Variants in SPMIP2 observed in about 807,000 individuals in gnomAD.
The protein encoded by SPMIP2 is protein SPMIP2.
chr4:159,080,953 A>G, the SPMIP2 span, among the ~76,000 whole-genome samples: 2 of 151,726 alleles, frequency 1.3e-5, no homozygotes, highest in Non-Finnish European at 2.9e-5. Context: ...TCGATCTCCT[A>G]ACCTTGTGAT....
At chr4:158,958,802 G>C in the SPMIP2 span, among the ~76,000 whole-genome samples, 1 of 152,176 alleles carries the variant, frequency 6.6e-6, no homozygotes, top group Admixed American at 6.5e-5. Context: ...ACAAAGGAAA[G>C]AGTATTCAGG....
the SPMIP2 span, among the ~76,000 whole-genome samples, chr4:158,964,622 T>A: frequency 6.6e-6 from 1 of 152,116 alleles, no homozygotes; most frequent in Non-Finnish European, 1.5e-5. Context: ...ATTCTTTGAC[T>A]GGCTATTTTA....
At chr4:158,962,747 T>C in the SPMIP2 span, among the ~76,000 whole-genome samples, 3 of 152,166 alleles carry the variant, frequency 2.0e-5, no homozygotes, top group African/African-American at 7.2e-5. Context: ...GGCCTTTGCA[T>C]GAATGGAGCA....
At chr4:159,024,452 C>T in the SPMIP2 span, among the ~76,000 whole-genome samples, 1 of 152,294 alleles carries the variant, frequency 6.6e-6, no homozygotes, top group Admixed American at 6.5e-5. Flanking sequence ...TAGGATCATA[C>T]ACAGCAGGGG....
At chr4:158,987,643 T>TGGGGAGGGATAGC in the SPMIP2 span, among the ~76,000 whole-genome samples, 1 of 149,810 alleles carries the variant, frequency 6.7e-6, no homozygotes, top group South Asian at 2.2e-4. Context: ...GTAGGGGGAG[T>TGGGGAGGGATAGC]GGGGAGGGAT....
the SPMIP2 span, among the ~76,000 whole-genome samples, chr4:158,964,150 C>CACAAAACAAAACAAAACAAAACAAA: frequency 5.7e-4 from 45 of 79,438 alleles, no homozygotes; most frequent in African/African-American, 1.4e-3. Context: ...GTGAGACTAT[C>CACAAAACAAAACAAAACAAAACAAA]TCAAAACAAA....
chr4:159,072,102 C>G, the SPMIP2 span, among the ~76,000 whole-genome samples: 1 of 152,170 alleles, frequency 6.6e-6, no homozygotes, highest in South Asian at 2.1e-4. Flanking sequence ...CACTTGGGCC[C>G]AAGGAGTTTG....
At chr4:159,064,767 C>T in the SPMIP2 span, among the ~76,000 whole-genome samples, 2 of 152,036 alleles carry the variant, frequency 1.3e-5, no homozygotes, top group African/African-American at 4.8e-5. Context: ...GTTTTTAAAT[C>T]GTTTTCATTA....
At chr4:158,911,347 CAAATAAATAAATAAAT>C in the SPMIP2 span, among the ~76,000 whole-genome samples, 8 of 141,292 alleles carry the variant, frequency 5.7e-5, no homozygotes, top group East Asian at 2.0e-4. Context: ...GACTCCGTCT[CAAATAAATAAATAAAT>C]AAATAAATAA....
chr4:158,896,851 T>A, the SPMIP2 span, among the ~76,000 whole-genome samples: 1,555 of 139,080 alleles, frequency 0.011, 23 homozygotes, highest in African/African-American at 0.037. Flanking sequence ...GTTTTTTTTT[T>A]ATTATTATTA....
At chr4:158,903,863 C>T in the SPMIP2 span, among the ~76,000 whole-genome samples, 2 of 152,132 alleles carry the variant, frequency 1.3e-5, no homozygotes, top group Non-Finnish European at 2.9e-5. Flanking sequence ...ACTGTATCCA[C>T]CTCTGCTGTA....
the SPMIP2 span, among the ~76,000 whole-genome samples, chr4:158,979,144 C>A: frequency 1.3e-5 from 2 of 151,402 alleles, no homozygotes; most frequent in Non-Finnish European, 3.0e-5. Flanking sequence ...AGACTTTGTT[C>A]ACACTGTGAG....
chr4:159,048,536 G>A, the SPMIP2 span, among the ~76,000 whole-genome samples: 3 of 151,916 alleles, frequency 2.0e-5, no homozygotes, highest in Non-Finnish European at 4.4e-5. Flanking sequence ...CCACATGGAC[G>A]TAACCTAGAG....
the SPMIP2 span, among the ~76,000 whole-genome samples, chr4:159,005,546 G>C: frequency 6.6e-6 from 1 of 152,156 alleles, no homozygotes; most frequent in Non-Finnish European, 1.5e-5. Context: ...CAAGTCTCCA[G>C]CTGTACTTTC....
the SPMIP2 span, among the ~76,000 whole-genome samples, chr4:159,030,319 G>A: frequency 2.0e-5 from 3 of 151,972 alleles, no homozygotes; most frequent in African/African-American, 4.8e-5. Flanking sequence ...GGCTGAGGTG[G>A]GAGGATCACC....
At chr4:159,057,811 A>G in the SPMIP2 span, among the ~76,000 whole-genome samples, 1 of 152,222 alleles carries the variant, frequency 6.6e-6, no homozygotes. Context: ...TAAAATCATC[A>G]CATGTATTAG....
chr4:159,041,830 T>C, the SPMIP2 span, among the ~76,000 whole-genome samples: 26,742 of 152,162 alleles, frequency 0.18, 2,745 homozygotes, highest in African/African-American at 0.28. Context: ...TCCCCAAACT[T>C]TTCTTGTTAT....
chr4:159,001,774 C>T, the SPMIP2 span, among the ~76,000 whole-genome samples: 1 of 152,098 alleles, frequency 6.6e-6, no homozygotes, highest in African/African-American at 2.4e-5. Context: ...GATTCAATGT[C>T]TTTGCTATTG....
the SPMIP2 span, chr4:159,007,177 T>G: frequency 1.9e-6 from 2 of 1,062,050 alleles, no homozygotes; most frequent in African/African-American, 3.2e-5. Context: ...GGTGGAGATC[T>G]TCAGGCAGAA....
Sources: allele counts gnomAD v4.1 joint callset (sites outside exome capture counted in the v4.1 genomes callset), GRCh38; gene constraint gnomAD v4.1.1; transcripts MANE v1.5; gene names NCBI Gene and HGNC (gene_info 2026-07-23, HGNC 2026-07-21).